The following ZNF101 variants were observed in gnomAD, a reference collection of about 807,000 sequenced individuals.
The protein encoded by ZNF101 is zinc finger protein 101, also known as zinc finger protein 101 (Y2).
A neutral mutation model predicts 42.6 loss-of-function variants in ZNF101; 34 were observed. The ratio of observed to expected loss-of-function variants is 0.80; its 90% CI spans 0.61 to 1.06. The LOEUF (loss-of-function observed/expected upper bound fraction) is 1.06. Ranked by LOEUF, ZNF101 falls within the 50% of genes least tolerant of loss-of-function variation. ZNF101 has a pLI of 0.00. For missense variants in ZNF101, 466 were observed against 530.9 expected (o/e 0.88, Z 1.20); for synonymous variants, 158 against 183.9 (o/e 0.86, Z 1.14).
intron 3 of ZNF101, 145 bp downstream of exon 3, chr19:19,678,931 C>A (rs1260230643): frequency 1.2e-5 from 11 of 934,442 alleles, no homozygotes; most frequent in African/African-American, 1.7e-5. Context: ...ATCTATCCTT[C>A]AATGTAATGT....
intron 1 of ZNF101, chr19:19,677,237 T>C (rs780922127): frequency 6.6e-6 from 1 of 152,282 alleles, no homozygotes; most frequent in Admixed American, 6.5e-5. Context: ...GTGTGACATA[T>C]TGTCTCCCAG....
At position 19,680,133 on chromosome 19, in the gene ZNF101, C is replaced by T. The variant is rs771858452; in HGVS notation, c.1144C>T (p.Arg382Ter). 1.9e-5 allele frequency: 30 copies of T among 1,613,548 alleles called. No homozygotes were observed. The East Asian group carries it at 2.2e-4, about 12-fold the overall frequency. ...GKAFGWCSSL[R>*]RHEMTHTGEK... Reference sequence around the variant, plus strand: ...AGCCTTTGGGTGGTGCAGTTCCCTCCGAAGACATGAAATGACTCACACTGG... The same window carrying T: ...AGCCTTTGGGTGGTGCAGTTCCCTCTGAAGACATGAAATGACTCACACTGG... Residue 382 changes from arginine (R) to a stop codon, truncating the protein, a stop_gained, in exon 4 of 4, where the codon CGA becomes TGA. Transcript: ENST00000592502. LOFTEE classifies it high-confidence loss of function.
chr19:19,671,606 TCTC>T (rs1471370974), intron 1 of ZNF101, among the ~76,000 whole-genome samples: 1 of 151,954 alleles, frequency 6.6e-6, no homozygotes, highest in East Asian at 1.9e-4. Context: ...TTCACGCCAT[TCTC>T]CTGCCTCTGC....
At chr19:19,672,304 C>T (rs894545278) in intron 1 of ZNF101, 4 of 150,346 alleles carry the variant, frequency 2.7e-5, no homozygotes, top group Non-Finnish European at 5.9e-5. Context: ...CTCAGCCCTC[C>T]CCCACGCCCG....
At chr19:19,671,637 C>T (rs1362522034) in intron 1 of ZNF101, among the ~76,000 whole-genome samples, 2 of 151,766 alleles carry the variant, frequency 1.3e-5, no homozygotes, top group Non-Finnish European at 2.9e-5. Context: ...GTAGCTGGGA[C>T]TACAGGTGCC....
At chr19:19,671,482 C>G (rs1048081706) in intron 1 of ZNF101, among the ~76,000 whole-genome samples, 2 of 151,590 alleles carry the variant, frequency 1.3e-5, no homozygotes, top group African/African-American at 4.9e-5. Flanking sequence ...ATATTAATAC[C>G]ATCACCTTAG....
At chr19:19,670,843 C>T (rs933478029) in intron 1 of ZNF101, among the ~76,000 whole-genome samples, 1 of 152,126 alleles carries the variant, frequency 6.6e-6, no homozygotes, top group Non-Finnish European at 1.5e-5. Flanking sequence ...CGATGGCTCA[C>T]GCCTGTAATC....
At chr19:19,669,364 G>C (rs1418560436) in intron 1 of ZNF101, among the ~76,000 whole-genome samples, 1 of 152,136 alleles carries the variant, frequency 6.6e-6, no homozygotes, top group Non-Finnish European at 1.5e-5. Flanking sequence ...TGGGAAGCTG[G>C]GTTTCAAACC....
intron 1 of ZNF101, among the ~76,000 whole-genome samples, chr19:19,672,631 T>G (rs1021436984): frequency 2.0e-4 from 31 of 152,120 alleles, no homozygotes; most frequent in Admixed American, 1.5e-3. Context: ...GTTCAAACGA[T>G]TTTCCTGCCT....
Position 19,679,952 on chromosome 19 carries a change from T to G in ZNF101, c.963T>G (p.Cys321Trp), listed in dbSNP as rs1256195628. The change falls in exon 4 of 4, where the codon TGT (cysteine) becomes TGG (tryptophan). Residue 321 changes from cysteine to tryptophan, a missense_variant. Physicochemically the swap from Cys to Trp is radical, Grantham distance 215. Transcript: ENST00000592502. ...ECQKCAKVFR[C>W]PTSLQAHERA... is the part of the protein sequence containing the mutation. ...AAAAATGTGCCAAAGTCTTTAGATG[T>G]CCCACGTCCCTTCAAGCACATGAAA... 1.9e-6 allele frequency: 3 copies of G among 1,613,942 alleles called. No individual in the cohort carries two copies. In the African/African-American group the frequency reaches 4.0e-5, roughly 22 times the overall value.
At chr19:19,669,775 G>A (rs559561969) in intron 1 of ZNF101, among the ~76,000 whole-genome samples, 7 of 152,224 alleles carry the variant, frequency 4.6e-5, no homozygotes, top group Admixed American at 1.3e-4. Flanking sequence ...GAGCCACTGC[G>A]CCTGGCAAGA....
At position 19,679,636 on chromosome 19, in the gene ZNF101, G is replaced by GA; in HGVS notation, c.652dup (p.Met218AsnfsTer9). On this transcript the variant is annotated frameshift_variant, in exon 4 of 4. Coordinates refer to ENST00000592502, the MANE Select transcript of ZNF101 (RefSeq NM_033204.4). LOFTEE classifies it high-confidence loss of function. ...GTTTCCAGTTTCTTTCGAAAACATGGAAAAATGCATACTGGAGAAAAACGC... is the reference window on the plus strand; with the variant it reads ...GTTTCCAGTTTCTTTCGAAAACATGGAAAAAATGCATACTGGAGAAAAACGC... 6.2e-7 allele frequency: 1 copy of GA among 1,612,812 alleles called. No individual in the cohort carries two copies. Among genetic ancestry groups the GA allele is most frequent in the Non-Finnish European group, 8.5e-7 (1 of 1,179,338 alleles).
chr19:19,668,827 C>T, upstream of ZNF101: 1 of 1,165,386 alleles, frequency 8.6e-7, no homozygotes, highest in Non-Finnish European at 1.2e-6. Context: ...TCTCATTTCC[C>T]GCCGGCCCCC....
Position 19,681,682 on chromosome 19 carries a change from C to T in ZNF101, c.*1382C>T, listed in dbSNP as rs1032494851. 5 of 151,724 alleles carry T rather than the reference C, an allele frequency of 3.3e-5. No individual in the cohort carries two copies. The East Asian group carries it at 5.8e-4, about 18-fold the overall frequency. 9.4% of individuals were successfully genotyped at this position (151,724 alleles called of 1,614,324 possible). On this transcript the variant is annotated 3_prime_UTR_variant, in exon 4 of 4. Transcript: ENST00000592502. Reference sequence around the variant, plus strand: ...GGAGGATTGCTTGAGTTTGGGAGGTCGAGGTTGCAGTGAGTGGAGATTGCG... The same window carrying T: ...GGAGGATTGCTTGAGTTTGGGAGGTTGAGGTTGCAGTGAGTGGAGATTGCG...
upstream of ZNF101, among the ~76,000 whole-genome samples, chr19:19,668,240 C>A (rs879147991): frequency 6.6e-6 from 1 of 152,074 alleles, no homozygotes; most frequent in Non-Finnish European, 1.5e-5. Context: ...GCTGCTCCCC[C>A]ACAGTTAGAG....
chr19:19,670,608 T>G (rs1467009174), intron 1 of ZNF101, among the ~76,000 whole-genome samples: 1 of 151,816 alleles, frequency 6.6e-6, no homozygotes, highest in Non-Finnish European at 1.5e-5. Flanking sequence ...AATACAAAAA[T>G]TAGCCGGGTA....
intron 2 of ZNF101, 145 bp downstream of exon 2, chr19:19,678,135 T>A (rs2062214133): frequency 8.0e-7 from 1 of 1,243,396 alleles, no homozygotes; most frequent in Non-Finnish European, 1.1e-6. Context: ...CTTACCCTTG[T>A]AATCCTAGTG....
Position 19,678,785 on chromosome 19 carries a change from A to G in ZNF101, c.190A>G (p.Arg64Gly), listed in dbSNP as rs760829419. 1.6e-5 allele frequency: 25 copies of G among 1,609,998 alleles called. No individual in the cohort carries two copies. Among genetic ancestry groups the G allele is most frequent in the Non-Finnish European group, 2.1e-5 (25 of 1,178,722 alleles). ...NLYQNLGIKL[R>G]SLVERLCGRK... ...GTACCAAAACCTGGGGATTAAGCTA[A>G]GGTAATCTCCACTCACAAGAGGAAG... The change falls in exon 3 of 4, where the codon AGA becomes GGA. Residue 64 changes from arginine to glycine, a missense_variant and splice_region_variant. Coordinates refer to ENST00000592502, the MANE Select transcript of ZNF101 (RefSeq NM_033204.4).
intron 2 of ZNF101, 88 bp from the exon 3 acceptor site, chr19:19,678,638 T>G: frequency 8.8e-7 from 1 of 1,133,840 alleles, no homozygotes; most frequent in East Asian, 2.7e-5. Context: ...AAATCAGGCA[T>G]TGTGGCAGTG....
Sources: allele counts gnomAD v4.1 joint callset (sites outside exome capture counted in the v4.1 genomes callset), GRCh38; gene constraint gnomAD v4.1.1; transcripts MANE v1.5; gene names NCBI Gene and HGNC (gene_info 2026-07-23, HGNC 2026-07-21).